FGL1: variants seen among roughly 807,000 people sequenced by gnomAD.
The protein encoded by FGL1 is fibrinogen like 1, also known as fibrinogen-like protein 1.
A neutral mutation model predicts 43.7 loss-of-function variants in FGL1; 59 were observed. The observed-to-expected ratio is 1.35, with a 90% CI of 1.10 to 1.68. The LOEUF (loss-of-function observed/expected upper bound fraction) is 1.68. FGL1 is among the 40% of genes most tolerant of loss of function. The probability of loss-of-function intolerance (pLI) is 0.00; values close to 1 mark genes in which losing one functional copy is unlikely to be tolerated. For missense variants in FGL1, 596 were observed against 373.0 expected (o/e 1.60, Z -4.92); for synonymous variants, 192 against 126.5 (o/e 1.52, Z -3.48).
At chr8:17,887,070 C>T (rs980878770) in intron 1 of FGL1, among the ~76,000 whole-genome samples, 1 of 152,128 alleles carries the variant, frequency 6.6e-6, no homozygotes, top group Non-Finnish European at 1.5e-5. Flanking sequence ...GGTGACATGA[C>T]AGCAGAAGTG....
intron 1 of FGL1, among the ~76,000 whole-genome samples, chr8:17,888,945 T>C (rs1476899345): frequency 2.0e-5 from 3 of 152,214 alleles, no homozygotes; most frequent in African/African-American, 7.2e-5. Flanking sequence ...CAGCATGCTT[T>C]AGTATCTTTT....
Position 17,885,740 on chromosome 8 carries a change from T to C in FGL1, c.-17-169A>G. 2 of 590,492 alleles carry C rather than the reference T, an allele frequency of 3.4e-6. 1 individual carries two copies. The highest frequency in any genetic ancestry group is 4.3e-5 in the South Asian group (2 of 46,414). 36.6% of individuals were successfully genotyped at this position (590,492 alleles called of 1,614,324 possible). On this transcript the variant is annotated intron_variant, in intron 1 of 7. Transcript: ENST00000427924. ...TTTCCCAGCCTCTCACCACACAGAA[T>C]GACACTGAGTGTTAACTAGAATTGA... is the stretch of plus-strand genomic sequence containing the variant.
intron 3 of FGL1, among the ~76,000 whole-genome samples, chr8:17,875,517 TTCTTTCTTTCTTTCTTTC>T (rs2053434472): frequency 2.2e-4 from 2 of 9,252 alleles, no homozygotes; most frequent in African/African-American, 7.9e-4. Context: ...CTTTCTTTCT[TTCTTTCTTTCTTTCTTTC>T]TCTTTCTTTC....
chr8:17,889,134 AC>A (rs1352517281), intron 1 of FGL1, among the ~76,000 whole-genome samples: 1 of 152,190 alleles, frequency 6.6e-6, no homozygotes, highest in Non-Finnish European at 1.5e-5. Context: ...AATATTACTT[AC>A]ATTAAAGGGC....
chr8:17,888,486 A>G (rs1032877633), intron 1 of FGL1, among the ~76,000 whole-genome samples: 17 of 152,210 alleles, frequency 1.1e-4, no homozygotes, highest in Admixed American at 2.6e-4. Flanking sequence ...CCCAGATGTC[A>G]AGATTATGTC....
At chr8:17,888,538 C>G (rs1414389763) in intron 1 of FGL1, among the ~76,000 whole-genome samples, 8 of 152,148 alleles carry the variant, frequency 5.3e-5, no homozygotes, top group Non-Finnish European at 8.8e-5. Flanking sequence ...GTATTCTAAA[C>G]CGAAGACATC....
intron 3 of FGL1, among the ~76,000 whole-genome samples, chr8:17,878,682 C>G (rs2053492207): frequency 2.0e-5 from 3 of 152,062 alleles, no homozygotes; most frequent in African/African-American, 4.8e-5. Context: ...ATTGTTTGCA[C>G]AAATTGCTAG....
intron 5 of FGL1, among the ~76,000 whole-genome samples, chr8:17,872,862 A>G (rs374806041): frequency 6.6e-6 from 1 of 152,244 alleles, no homozygotes; most frequent in African/African-American, 2.4e-5. Flanking sequence ...AGACATCCAG[A>G]TGTCTGCTAT....
intron 5 of FGL1, among the ~76,000 whole-genome samples, chr8:17,873,713 T>C (rs1011074339): frequency 6.7e-6 from 1 of 149,864 alleles, no homozygotes; most frequent in Non-Finnish European, 1.5e-5. Flanking sequence ...TTATATTCTA[T>C]ATATCTATAT....
At chr8:17,873,512 G>T (rs1270192573) in intron 5 of FGL1, among the ~76,000 whole-genome samples, 4 of 152,200 alleles carry the variant, frequency 2.6e-5, no homozygotes, top group African/African-American at 7.2e-5. Flanking sequence ...ATAAATGGTT[G>T]TTGATTTTAA....
At chr8:17,885,674 C>A (rs866985820) in intron 1 of FGL1, 103 bp from the exon 2 acceptor site, 2 of 876,542 alleles carry the variant, frequency 2.3e-6, no homozygotes, top group Middle Eastern at 4.5e-4. Context: ...CAGCCGCAGG[C>A]CATCCCTAAT....
rs199534741 is a variant in FGL1, at chr8:17,868,652, C to A, written c.675G>T (p.Trp225Cys). The A allele has an allele frequency of 6.2e-7, 1 of 1,614,080 alleles. No individual in the cohort carries two copies. Among genetic ancestry groups the A allele is most frequent in the East Asian group, 2.2e-5 (1 of 44,868 alleles). The change falls in exon 7 of 8, where the codon TGG becomes TGT. Residue 225 changes from tryptophan to cysteine, a missense_variant. Trp to Cys is a radical substitution (Grantham distance 215). Coordinates refer to ENST00000427924, the MANE Select transcript of FGL1 (RefSeq NM_004467.4). ...LAGNFHPEVQWWASHQRMKFS... is the reference protein window; with the variant it reads ...LAGNFHPEVQCWASHQRMKFS... Reference sequence around the variant, plus strand: ...ATTTCATTCTTTGGTGACTAGCCCACCACTGCACCTCAGGATGAAAATTCC... The same window carrying A: ...ATTTCATTCTTTGGTGACTAGCCCAACACTGCACCTCAGGATGAAAATTCC...
At chr8:17,884,162 C>G (rs1032298467) in intron 2 of FGL1, among the ~76,000 whole-genome samples, 1 of 150,364 alleles carries the variant, frequency 6.7e-6, no homozygotes, top group Admixed American at 6.6e-5. Flanking sequence ...AGAACCTCTC[C>G]CAGCCATTTT....
At chr8:17,868,857 G>T in intron 6 of FGL1, 59 bp downstream of exon 6, 4 of 1,465,942 alleles carry the variant, frequency 2.7e-6, no homozygotes, top group South Asian at 1.2e-5. Context: ...TGACTCCAGG[G>T]TTATATTGCA....
At chr8:17,892,974 C>G (rs1447947347) in intron 1 of FGL1, among the ~76,000 whole-genome samples, 3 of 152,096 alleles carry the variant, frequency 2.0e-5, no homozygotes, top group African/African-American at 7.2e-5. Flanking sequence ...CTGAGGCAGG[C>G]AGATCACTTG....
At chr8:17,881,061 C>T (rs1399295413) in intron 3 of FGL1, among the ~76,000 whole-genome samples, 4 of 151,924 alleles carry the variant, frequency 2.6e-5, no homozygotes, top group Non-Finnish European at 1.5e-5. Context: ...AAACTGCATA[C>T]ATGCAACAAG....
chr8:17,875,277 C>G (rs547296972), intron 3 of FGL1, among the ~76,000 whole-genome samples: 22 of 152,272 alleles, frequency 1.4e-4, no homozygotes, highest in African/African-American at 5.1e-4. Flanking sequence ...CACCCATAAT[C>G]TTGTCAAAAT....
At chr8:17,881,137 G>GTTTTTTTTTTTTTTTTTTTT (rs2053528636) in intron 3 of FGL1, among the ~76,000 whole-genome samples, 1 of 80,768 alleles carries the variant, frequency 1.2e-5, no homozygotes, top group African/African-American at 5.9e-5. Flanking sequence ...TGTGTACACG[G>GTTTTTTTTTTTTTTTTTTTT]ATTTTTTTTT....
intron 1 of FGL1, among the ~76,000 whole-genome samples, chr8:17,888,769 A>G (rs1351767023): frequency 6.6e-6 from 1 of 152,224 alleles, no homozygotes; most frequent in East Asian, 1.9e-4. Context: ...AAACTGAATT[A>G]CAGTGGGAAA....
Sources: allele counts gnomAD v4.1 joint callset (sites outside exome capture counted in the v4.1 genomes callset), GRCh38; gene constraint gnomAD v4.1.1; transcripts MANE v1.5; gene names NCBI Gene and HGNC (gene_info 2026-07-23, HGNC 2026-07-21).